The following CDH13 variants were observed in gnomAD, a reference collection of about 807,000 sequenced individuals.
CDH13 encodes the protein cadherin 13.
CDH13 carries 24 observed loss-of-function variants against 63.8 expected under a neutral mutation model. The observed-to-expected ratio is 0.38, with a 90% CI of 0.27 to 0.53. The LOEUF (loss-of-function observed/expected upper bound fraction) is 0.53, where lower values mean the gene tolerates loss of function less well. Ranked by LOEUF, CDH13 falls within the 20% of genes least tolerant of loss-of-function variation. CDH13 has a pLI of 0.85. For synonymous variants in CDH13, 503 were observed against 355.3 expected (o/e 1.42, Z -4.67); for missense variants, 1,049 against 903.1 (o/e 1.16, Z -2.07).
At chr16:83,232,839 C>T (rs972138976) in intron 5 of CDH13, among the ~76,000 whole-genome samples, 1 of 152,106 alleles carries the variant, frequency 6.6e-6, no homozygotes, top group Non-Finnish European at 1.5e-5. Context: ...TAGCTCCAGC[C>T]CTTTTATATC....
intron 1 of CDH13, among the ~76,000 whole-genome samples, chr16:82,761,174 C>T (rs576685825): frequency 6.6e-6 from 1 of 151,730 alleles, no homozygotes; most frequent in Non-Finnish European, 1.5e-5. Context: ...CAGGCATGTG[C>T]TACCACACCT....
At chr16:83,448,580 G>A (rs1341807056) in intron 6 of CDH13, among the ~76,000 whole-genome samples, 1 of 152,178 alleles carries the variant, frequency 6.6e-6, no homozygotes, top group African/African-American at 2.4e-5. Context: ...CATGAGAAGA[G>A]TGACTGGCCC....
At chr16:83,668,318 G>A (rs1385879261) in intron 8 of CDH13, among the ~76,000 whole-genome samples, 1 of 152,208 alleles carries the variant, frequency 6.6e-6, no homozygotes, top group Non-Finnish European at 1.5e-5. Flanking sequence ...AAGCCATGAA[G>A]AGACAGGTGC....
intron 2 of CDH13, among the ~76,000 whole-genome samples, chr16:83,012,395 C>T (rs113356209): frequency 1.8e-4 from 27 of 148,622 alleles, no homozygotes; most frequent in Admixed American, 6.8e-4. Flanking sequence ...AAGCCCTGGT[C>T]CAAGGAAAAT....
At chr16:82,667,742 C>T (rs553606105) in intron 1 of CDH13, among the ~76,000 whole-genome samples, 13 of 152,142 alleles carry the variant, frequency 8.5e-5, no homozygotes, top group South Asian at 2.1e-4. Flanking sequence ...AGCCGCCCCC[C>T]GCCTCTCCCC....
intron 5 of CDH13, among the ~76,000 whole-genome samples, chr16:83,343,100 T>G (rs1179379728): frequency 2.6e-5 from 4 of 152,128 alleles, no homozygotes; most frequent in Non-Finnish European, 5.9e-5. Flanking sequence ...ACATGCATTA[T>G]TTTATCTGCA....
chr16:83,280,323 G>A (rs1582597), intron 5 of CDH13, among the ~76,000 whole-genome samples: 133,123 of 152,250 alleles, frequency 0.87, 58,379 homozygotes, highest in East Asian at 1. Flanking sequence ...CCAGGAGTAG[G>A]TTCCATCTTG....
At chr16:83,084,711 A>G (rs2033470085) in intron 3 of CDH13, among the ~76,000 whole-genome samples, 1 of 152,096 alleles carries the variant, frequency 6.6e-6, no homozygotes, top group African/African-American at 2.4e-5. Flanking sequence ...CAACATGGTG[A>G]AACCCCGCCT....
intron 3 of CDH13, among the ~76,000 whole-genome samples, chr16:83,114,676 G>A (rs2035214829): frequency 6.6e-6 from 1 of 152,168 alleles, no homozygotes; most frequent in South Asian, 2.1e-4. Context: ...GGAAATTTAG[G>A]GAGCTTGTAT....
chr16:83,625,215 C>CACACGTGTGTCTATGTGTGTGTGT (rs1910188534), intron 8 of CDH13, among the ~76,000 whole-genome samples: 1 of 140,568 alleles, frequency 7.1e-6, no homozygotes, highest in Non-Finnish European at 1.6e-5. Flanking sequence ...TGTGTGTGTG[C>CACACGTGTGTCTATGTGTGTGTGT]ACACGTGTGT....
chr16:83,083,031 A>C (rs1483482496), intron 3 of CDH13, among the ~76,000 whole-genome samples: 7 of 152,270 alleles, frequency 4.6e-5, no homozygotes, highest in African/African-American at 1.7e-4. Context: ...AGAGCAATTT[A>C]ACTTGATCAT....
chr16:83,434,849 G>A (rs55932280), intron 6 of CDH13, among the ~76,000 whole-genome samples: 41 of 45,478 alleles, frequency 9.0e-4, no homozygotes, highest in South Asian at 1.5e-3. Context: ...ATATATATAT[G>A]TGTGTGCGTG....
At chr16:83,149,784 A>C (rs1174317850) in intron 4 of CDH13, among the ~76,000 whole-genome samples, 1 of 152,194 alleles carries the variant, frequency 6.6e-6, no homozygotes, top group Non-Finnish European at 1.5e-5. Flanking sequence ...CCAGCGGTAC[A>C]TATCTCTTCC....
chr16:82,690,517 G>C (rs1193757758), intron 1 of CDH13, among the ~76,000 whole-genome samples: 2 of 152,166 alleles, frequency 1.3e-5, no homozygotes. Flanking sequence ...ATTAGCCTAA[G>C]CTATTCTGGA....
chr16:83,619,362 G>A (rs1053737666), intron 8 of CDH13, among the ~76,000 whole-genome samples: 1 of 152,210 alleles, frequency 6.6e-6, no homozygotes, highest in East Asian at 1.9e-4. Flanking sequence ...GGACTGCGAG[G>A]GCACTTGGCA....
intron 1 of CDH13, among the ~76,000 whole-genome samples, chr16:82,852,599 G>A (rs1014902961): frequency 6.6e-6 from 1 of 152,196 alleles, no homozygotes; most frequent in Non-Finnish European, 1.5e-5. Context: ...ATGTCCTATT[G>A]TGAGAAGTAG....
intron 7 of CDH13, among the ~76,000 whole-genome samples, chr16:83,501,132 G>A (rs1414814598): frequency 1.3e-5 from 2 of 152,186 alleles, no homozygotes; most frequent in East Asian, 3.8e-4. Flanking sequence ...CTGACCAGCT[G>A]TTTATCTTTG....
rs192083936 is a variant in CDH13 at position 83,066,265 on chromosome 16, A to G, written c.366+34047A>G. ...TAGGGGAATCAGTTTCTCAATTTGC[A>G]TGAGATACGGGAGCTTCCTAAGACA... On this transcript the variant is annotated intron_variant, in intron 3 of 13. Transcript: ENST00000567109. Among the ~76,000 whole-genome samples, 88 of 152,354 alleles carry G rather than the reference A, an allele frequency of 5.8e-4. 1 individual carries two copies. The highest frequency in any genetic ancestry group is 2.0e-3 in the African/African-American group (85 of 41,586).
intron 3 of CDH13, among the ~76,000 whole-genome samples, chr16:83,059,787 T>TG: frequency 8.2e-6 from 1 of 121,588 alleles, no homozygotes; most frequent in African/African-American, 3.1e-5. Flanking sequence ...GTTTTTTTTT[T>TG]TGTTTGTTTT....
Sources: allele counts gnomAD v4.1 joint callset (sites outside exome capture counted in the v4.1 genomes callset), GRCh38; gene constraint gnomAD v4.1.1; transcripts MANE v1.5; gene names NCBI Gene and HGNC (gene_info 2026-07-23, HGNC 2026-07-21).